Variants in TRPM3 observed in about 807,000 individuals in gnomAD.
TRPM3 encodes the protein transient receptor potential cation channel subfamily M member 3.
TRPM3 carries 77 observed loss-of-function variants against 181.2 expected under a neutral mutation model. That is an observed-to-expected ratio of 0.42 (90% CI 0.35 to 0.51). The LOEUF (loss-of-function observed/expected upper bound fraction) is 0.51, where lower values mean the gene tolerates loss of function less well. Ranked by LOEUF, TRPM3 falls within the 20% of genes least tolerant of loss-of-function variation. The pLI is 0.01. For synonymous variants in TRPM3, 745 were observed against 796.4 expected, an observed-to-expected ratio of 0.94 and a Z score of 1.09; for missense variants, 1,759 against 2,196.7, an observed-to-expected ratio of 0.80 and a Z score of 3.98.
At chr9:70,759,763 C>T (rs1366683991) in intron 8 of TRPM3, among the ~76,000 whole-genome samples, 1 of 152,040 alleles carries the variant, frequency 6.6e-6, no homozygotes, top group African/African-American at 2.4e-5. Flanking sequence ...TGTTCTCACT[C>T]ATAAGCTGGA....
At chr9:71,041,659 C>T (rs770584724) in intron 1 of TRPM3, among the ~76,000 whole-genome samples, 11 of 152,070 alleles carry the variant, frequency 7.2e-5, no homozygotes, top group Non-Finnish European at 1.0e-4. Context: ...GTTTAGTTGG[C>T]GACCTTAGGT....
intron 1 of TRPM3, among the ~76,000 whole-genome samples, chr9:70,956,685 C>A (rs1376727269): frequency 6.6e-6 from 1 of 151,992 alleles, no homozygotes; most frequent in Non-Finnish European, 1.5e-5. Flanking sequence ...AGGACTTTGA[C>A]AGCAGCCTGG....
intron 9 of TRPM3, among the ~76,000 whole-genome samples, chr9:70,665,785 A>G (rs1469919285): frequency 1.3e-5 from 2 of 152,174 alleles, no homozygotes; most frequent in Non-Finnish European, 2.9e-5. Flanking sequence ...TTTGAGCAGG[A>G]GTCTATGGAA....
intron 1 of TRPM3, among the ~76,000 whole-genome samples, chr9:71,333,836 A>G (rs1311859633): frequency 6.6e-6 from 1 of 151,936 alleles, no homozygotes; most frequent in African/African-American, 2.4e-5. Context: ...AATTTTCAGG[A>G]GCAGTTGGAA....
rs1291721963 is a variant in TRPM3, at chr9:70,553,690, G to C, written c.3224-380C>G. ...GAGAAGAAAGTCCCACCACTGGCAA[G>C]TTACTTTCAAAATGTGCTGTAGAGG... On this transcript the variant is annotated intron_variant, in intron 22 of 25. Transcript: ENST00000677713. 2.0e-5 allele frequency among the ~76,000 whole-genome samples: 3 copies of C among 152,348 alleles called. No homozygotes were observed. In the South Asian group the frequency reaches 6.2e-4, roughly 32 times the overall value.
intron 1 of TRPM3, among the ~76,000 whole-genome samples, chr9:70,900,640 T>C (rs989997547): frequency 6.6e-6 from 1 of 152,248 alleles, no homozygotes; most frequent in Non-Finnish European, 1.5e-5. Flanking sequence ...GTTGGTTCAC[T>C]TGGATCAATC....
intron 1 of TRPM3, among the ~76,000 whole-genome samples, chr9:71,408,366 G>T (rs1373847904): frequency 2.0e-5 from 3 of 152,160 alleles, no homozygotes; most frequent in African/African-American, 7.2e-5. Context: ...AAAAAGATTA[G>T]ACGAATGGCT....
chr9:70,884,812 G>C (rs1564683478), intron 1 of TRPM3, among the ~76,000 whole-genome samples: 1 of 152,158 alleles, frequency 6.6e-6, no homozygotes, highest in Non-Finnish European at 1.5e-5. Flanking sequence ...AGGAATCAAT[G>C]ACTTGAGGCA....
At chr9:70,997,034 A>G (rs1365427312) in intron 1 of TRPM3, among the ~76,000 whole-genome samples, 1 of 152,182 alleles carries the variant, frequency 6.6e-6, no homozygotes, top group African/African-American at 2.4e-5. Context: ...ATTCTCTTTA[A>G]TAAATGGAAT....
At chr9:71,075,128 GGTTTTT>G (rs2063287287) in intron 1 of TRPM3, among the ~76,000 whole-genome samples, 1 of 151,900 alleles carries the variant, frequency 6.6e-6, no homozygotes, top group Admixed American at 6.6e-5. Flanking sequence ...ATTTGTTTTA[GGTTTTT>G]GTTTCTGGTT....
At chr9:71,420,989 G>GAGAGAGAAAAAGAGAGAAAA (rs755344337) in intron 1 of TRPM3, among the ~76,000 whole-genome samples, 1,311 of 101,820 alleles carry the variant, frequency 0.013, 83 homozygotes, top group Middle Eastern at 0.042. Context: ...GAGAGAAAAA[G>GAGAGAGAAAAAGAGAGAAAA]AGAGAGAAAA....
chr9:71,213,720 C>T (rs1198064870), intron 1 of TRPM3, among the ~76,000 whole-genome samples: 1 of 152,118 alleles, frequency 6.6e-6, no homozygotes, highest in African/African-American at 2.4e-5. Flanking sequence ...ATATTCTCAA[C>T]AGATTGTTAC....
intron 1 of TRPM3, among the ~76,000 whole-genome samples, chr9:70,903,371 C>G (rs974248767): frequency 6.6e-6 from 1 of 152,086 alleles, no homozygotes; most frequent in Non-Finnish European, 1.5e-5. Flanking sequence ...GGGATTAGTG[C>G]CACTGTATGG....
intron 25 of TRPM3, among the ~76,000 whole-genome samples, chr9:70,540,046 C>A (rs907051334): frequency 6.6e-6 from 1 of 152,156 alleles, no homozygotes; most frequent in African/African-American, 2.4e-5. Flanking sequence ...CTATATCGCT[C>A]AGGCTGGTCT....
intron 1 of TRPM3, among the ~76,000 whole-genome samples, chr9:71,211,571 G>C (rs1465767367): frequency 6.6e-6 from 1 of 152,096 alleles, no homozygotes; most frequent in Non-Finnish European, 1.5e-5. Context: ...GTTGTTGGGA[G>C]GGCTGATTCC....
At chr9:71,051,371 A>T (rs536896989) in intron 1 of TRPM3, among the ~76,000 whole-genome samples, 17 of 152,278 alleles carry the variant, frequency 1.1e-4, no homozygotes, top group Non-Finnish European at 2.4e-4. Context: ...TCATTTCAAC[A>T]TTACTGTGAG....
intron 1 of TRPM3, among the ~76,000 whole-genome samples, chr9:70,980,341 C>T (rs567302519): frequency 4.0e-5 from 6 of 151,540 alleles, no homozygotes; most frequent in Non-Finnish European, 7.4e-5. Context: ...GCAGAGGGAG[C>T]AGCAGCATGA....
chr9:70,921,924 CACACACACACACAAACAA>C (rs1224427094), intron 1 of TRPM3, among the ~76,000 whole-genome samples: 4 of 131,070 alleles, frequency 3.1e-5, no homozygotes, highest in Admixed American at 7.4e-5. Context: ...ACTATACACA[CACACACACACACAAACAA>C]ACACACACAC....
chr9:71,252,671 G>A (rs925741930), intron 1 of TRPM3, among the ~76,000 whole-genome samples: 1 of 151,818 alleles, frequency 6.6e-6, no homozygotes, highest in Non-Finnish European at 1.5e-5. Flanking sequence ...ATAATAGAAA[G>A]ACTTTTTCTT....
Sources: gnomAD v4.1 joint callset for allele counts (sites outside exome capture counted in the v4.1 genomes callset) on GRCh38, gnomAD v4.1.1 for gene constraint, MANE v1.5 for transcripts, NCBI Gene and HGNC (gene_info 2026-07-23, HGNC 2026-07-21) for gene names.